Variants in COL4A2 observed in about 807,000 individuals in gnomAD.
The protein encoded by COL4A2 is collagen type IV alpha 2 chain.
A neutral mutation model predicts 200.2 loss-of-function variants in COL4A2; 99 were observed. The ratio of observed to expected loss-of-function variants is 0.49; its 90% confidence interval spans 0.42 to 0.58. COL4A2 has a LOEUF of 0.58. Among genes scored for constraint, COL4A2 ranks in the 20% least tolerant of loss-of-function variants. The probability of loss-of-function intolerance (pLI) is 0.00; values close to 1 mark genes in which losing one functional copy is unlikely to be tolerated. For synonymous variants in COL4A2, 897 were observed against 900.6 expected, an observed-to-expected ratio of 1.00 and a Z score of 0.07; for missense variants, 1,950 against 2,314.1, an observed-to-expected ratio of 0.84 and a Z score of 3.23.
intron 4 of COL4A2, among the ~76,000 whole-genome samples, chr13:110,371,696 C>T (rs762205615): frequency 6.6e-6 from 1 of 152,218 alleles, no homozygotes; most frequent in Non-Finnish European, 1.5e-5. Flanking sequence ...CTCCACGTAG[C>T]TCTGCTGTGA....
chr13:110,506,352 C>T, intron 45 of COL4A2, 63 bp from the exon 46 acceptor site: 3 of 1,523,312 alleles, frequency 2.0e-6, no homozygotes, highest in South Asian at 1.2e-5. Flanking sequence ...GCCGTCCACT[C>T]TCTCTCTTTC....
intron 4 of COL4A2, among the ~76,000 whole-genome samples, chr13:110,358,845 A>G (rs1405650197): frequency 6.6e-6 from 1 of 152,224 alleles, no homozygotes; most frequent in Non-Finnish European, 1.5e-5. Flanking sequence ...AAATTGGGTC[A>G]ATGTATACCA....
chr13:110,492,622 G>A (rs1246172389), intron 38 of COL4A2, among the ~76,000 whole-genome samples: 1 of 152,224 alleles, frequency 6.6e-6, no homozygotes, highest in Non-Finnish European at 1.5e-5. Flanking sequence ...TGTTTGCTGT[G>A]TCCTGCTTTA....
chr13:110,438,332 C>G (rs1880977758), intron 14 of COL4A2, among the ~76,000 whole-genome samples: 1 of 152,222 alleles, frequency 6.6e-6, no homozygotes, highest in Non-Finnish European at 1.5e-5. Flanking sequence ...CGGGTTCTGC[C>G]CTCCGTCCCC....
Position 110,501,751 on chromosome 13 carries a change from G to A in COL4A2, c.3844G>A (p.Asp1282Asn), listed in dbSNP as rs1449443736. 1.2e-6 allele frequency: 2 copies of A among 1,613,638 alleles called. No individual in the cohort carries two copies. The highest frequency in any genetic ancestry group is 1.1e-5 in the South Asian group (1 of 91,052). Residue 1282 changes from aspartate to asparagine, a missense_variant, in exon 41 of 48, where the codon GAC becomes AAC. Physicochemically the swap from Asp to Asn is conservative, Grantham distance 23. Transcript: ENST00000360467. ...PPSNISGAPG[D>N]KGAPGIFGLK... ...TTCCAACATCTCTGGGGCACCTGGT[G>A]ACAAAGGGGCGCCAGGGATATTTGG...
chr13:110,457,891 C>T (rs1409328924), intron 21 of COL4A2, among the ~76,000 whole-genome samples: 1 of 152,144 alleles, frequency 6.6e-6, no homozygotes, highest in African/African-American at 2.4e-5. Context: ...CGTGGTTTGC[C>T]CGGGTCTCCC....
At chr13:110,355,294 G>GA (rs201826253) in intron 3 of COL4A2, among the ~76,000 whole-genome samples, 1,961 of 121,470 alleles carry the variant, frequency 0.016, 476 homozygotes, top group African/African-American at 0.12. Context: ...TGTTTGTGTG[G>GA]GGAGGGCTGC....
At chr13:110,379,034 C>T (rs1878357177) in intron 4 of COL4A2, among the ~76,000 whole-genome samples, 1 of 152,220 alleles carries the variant, frequency 6.6e-6, no homozygotes, top group South Asian at 2.1e-4. Context: ...CCTGACCCAT[C>T]AGCACCTGCC....
chr13:110,323,703 TG>T (rs1210783098), intron 3 of COL4A2, among the ~76,000 whole-genome samples: 1 of 152,198 alleles, frequency 6.6e-6, no homozygotes, highest in African/African-American at 2.4e-5. Context: ...AGGCCCCAGG[TG>T]GCTCCCTGAG....
chr13:110,408,559 A>G (rs1879665369), intron 4 of COL4A2, among the ~76,000 whole-genome samples: 1 of 152,184 alleles, frequency 6.6e-6, no homozygotes, highest in South Asian at 2.1e-4. Context: ...CCAAAGTTCC[A>G]GACATGCAGA....
intron 34 of COL4A2, among the ~76,000 whole-genome samples, chr13:110,486,782 G>T (rs141408615): frequency 0.011 from 1,600 of 152,242 alleles, 31 homozygotes; most frequent in African/African-American, 0.036. Flanking sequence ...GCGGGCAGGA[G>T]TGGGGGTCAC....
Position 110,449,867 on chromosome 13 carries a change from C to T in COL4A2, c.1189+78C>T, listed in dbSNP as rs187375586. ...GTCCTAGCACACACAAGGGAGACTT[C>T]GTTGACGACGTAGCTATGTCGTTGT... On this transcript the variant is annotated intron_variant, in intron 19 of 47. Transcript: ENST00000360467. 3.6e-3 allele frequency: 5,123 copies of T among 1,416,334 alleles called. 17 individuals carry two copies. Among genetic ancestry groups the T allele is most frequent in the Middle Eastern group, 4.7e-3 (19 of 4,074 alleles). The allele number at this position is 1,416,334 out of a possible 1,614,324, so 87.7% of individuals were successfully genotyped here.
chr13:110,450,166 C>A (rs1881484376), intron 19 of COL4A2, 139 bp from the exon 20 acceptor site: 3 of 695,758 alleles, frequency 4.3e-6, no homozygotes, highest in Non-Finnish European at 7.5e-6. Flanking sequence ...TGAACTATAC[C>A]AATGGCTTCT....
At chr13:110,430,111 T>A in intron 8 of COL4A2, 155 bp downstream of exon 8, 2 of 799,948 alleles carry the variant, frequency 2.5e-6, no homozygotes, top group Non-Finnish European at 3.7e-6. Flanking sequence ...TTACTTCCGA[T>A]CAGGATGTTT....
chr13:110,449,697 G>C lies in COL4A2; in HGVS notation c.1097G>C (p.Gly366Ala). ...SLAKGARGDP[G>A]FPGAQGEPGS... ...CTTCCAGGTGCCAGAGGTGACCCGG[G>C]ATTCCCAGGGGCCCAAGGGGAGCCA... The change falls in exon 19 of 48, where the codon GGA becomes GCA. Residue 366 changes from glycine (G) to alanine (A), a missense_variant. Around this residue, in one of 2 missense-constraint regions of COL4A2, gnomAD observed 565 missense variants for 593.5 expected, o/e 0.95. Coordinates refer to ENST00000360467, the MANE Select transcript of COL4A2 (RefSeq NM_001846.4). 6.5e-7 allele frequency: 1 copy of C among 1,548,918 alleles called. No individual in the cohort carries two copies. The highest frequency in any genetic ancestry group is 8.7e-7 in the Non-Finnish European group (1 of 1,145,520).
At chr13:110,446,545 A>C (rs939828943) in intron 17 of COL4A2, among the ~76,000 whole-genome samples, 6 of 152,182 alleles carry the variant, frequency 3.9e-5, no homozygotes, top group African/African-American at 1.4e-4. Context: ...GCATTCGACA[A>C]GGATTTCAAA....
chr13:110,368,844 GAA>G (rs1291879852), intron 4 of COL4A2, among the ~76,000 whole-genome samples: 1 of 12,150 alleles, frequency 8.2e-5, no homozygotes, highest in Non-Finnish European at 1.7e-4. Context: ...TAAGGCCAAA[GAA>G]AAGGGGGGGG....
chr13:110,343,511 C>G (rs545580242), intron 3 of COL4A2, among the ~76,000 whole-genome samples: 1 of 152,120 alleles, frequency 6.6e-6, no homozygotes, highest in Non-Finnish European at 1.5e-5. Context: ...GGAGAAAGGG[C>G]GGGGCAGAAA....
intron 4 of COL4A2, among the ~76,000 whole-genome samples, chr13:110,403,982 C>A (rs886986525): frequency 6.6e-6 from 1 of 152,144 alleles, no homozygotes; most frequent in Non-Finnish European, 1.5e-5. Flanking sequence ...CTTCACATGA[C>A]GGAAGGGACA....
Sources: allele counts gnomAD v4.1 joint callset (sites outside exome capture counted in the v4.1 genomes callset), GRCh38; gene constraint gnomAD v4.1.1; regional missense constraint gnomAD v4.1.1; transcripts MANE v1.5; gene names NCBI Gene and HGNC (gene_info 2026-07-23, HGNC 2026-07-21).